Variants in ABCB1 observed in about 807,000 individuals in gnomAD.
The protein encoded by ABCB1 is ATP binding cassette subfamily B member 1, also known as ATP-dependent translocase ABCB1.
Under a neutral mutation model 142.0 loss-of-function variants are expected in ABCB1, and 69 were observed. The observed-to-expected ratio is 0.49, with a 90% CI of 0.40 to 0.59. The LOEUF is 0.59. Ranked by LOEUF, ABCB1 falls within the 20% of genes least tolerant of loss-of-function variation. The pLI is 0.00. For missense variants in ABCB1, 1,326 were observed against 1,554.7 expected (o/e 0.85, Z 2.47); for synonymous variants, 532 against 539.2 (o/e 0.99, Z 0.18).
chr7:87,705,101 A>C (rs1829469603), intron 1 of ABCB1, among the ~76,000 whole-genome samples: 1 of 152,170 alleles, frequency 6.6e-6, no homozygotes, highest in Admixed American at 6.5e-5. Flanking sequence ...GAAGCTTGTC[A>C]CCATGGACAA....
At chr7:87,670,951 C>A (rs1825767927) in intron 1 of ABCB1, among the ~76,000 whole-genome samples, 1 of 152,124 alleles carries the variant, frequency 6.6e-6, no homozygotes, top group Non-Finnish European at 1.5e-5. Context: ...GGGCTGCCCA[C>A]TGCAGCTTTG....
At chr7:87,578,716 C>T (rs1285598507) in intron 4 of ABCB1, among the ~76,000 whole-genome samples, 4 of 125,880 alleles carry the variant, frequency 3.2e-5, no homozygotes, top group African/African-American at 1.2e-4. Flanking sequence ...TTTTTTGAGA[C>T]GGAGTCTCGC....
intron 21 of ABCB1, chr7:87,521,134 C>T: frequency 2.1e-6 from 1 of 471,788 alleles, no homozygotes; most frequent in Non-Finnish European, 3.8e-6. Context: ...TTGCTTAAAG[C>T]CACACAGCTT....
At chr7:87,660,981 T>C (rs1300881124) in intron 1 of ABCB1, among the ~76,000 whole-genome samples, 1 of 152,046 alleles carries the variant, frequency 6.6e-6, no homozygotes, top group East Asian at 1.9e-4. Context: ...ATAGTTACTT[T>C]AATAAATGTC....
intron 21 of ABCB1, among the ~76,000 whole-genome samples, chr7:87,528,396 T>C (rs1815891230): frequency 6.6e-6 from 1 of 152,204 alleles, no homozygotes; most frequent in Non-Finnish European, 1.5e-5. Flanking sequence ...TATGCATTTA[T>C]AACATACTTA....
intron 21 of ABCB1, among the ~76,000 whole-genome samples, chr7:87,530,503 G>T (rs1815988242): frequency 6.6e-6 from 1 of 151,602 alleles, no homozygotes; most frequent in South Asian, 2.1e-4. Context: ...TAAGGAATAA[G>T]ACATTTGCCT....
intron 1 of ABCB1, among the ~76,000 whole-genome samples, chr7:87,629,642 A>T (rs921929696): frequency 6.6e-6 from 1 of 152,230 alleles, no homozygotes; most frequent in East Asian, 1.9e-4. Flanking sequence ...AATAATTACT[A>T]TTGGGCCGGG....
intron 1 of ABCB1, among the ~76,000 whole-genome samples, chr7:87,702,142 C>CAAAAAAAAAAAA (rs146127516): frequency 6.0e-5 from 1 of 16,776 alleles, no homozygotes; most frequent in African/African-American, 1.7e-4. Flanking sequence ...GACTCTGTCT[C>CAAAAAAAAAAAA]AAAAAAAAAA....
intron 1 of ABCB1, among the ~76,000 whole-genome samples, chr7:87,680,106 T>TA (rs752246183): frequency 2.1e-4 from 31 of 150,386 alleles, no homozygotes; most frequent in Admixed American, 5.3e-4. Context: ...AACTTCCACT[T>TA]ATGAGTGAGA....
intron 1 of ABCB1, among the ~76,000 whole-genome samples, chr7:87,617,582 T>G (rs1820071793): frequency 6.6e-6 from 1 of 152,198 alleles, no homozygotes; most frequent in African/African-American, 2.4e-5. Flanking sequence ...AGGAACTTAC[T>G]AAAGTTTTAA....
In ABCB1 at chr7:87,599,207, T is replaced by A. The variant is rs1819339700; in HGVS notation, c.68+910A>T. 2.0e-5 allele frequency among the ~76,000 whole-genome samples: 3 copies of A among 152,234 alleles called. No homozygotes were observed. The South Asian group carries it at 6.2e-4, about 31-fold the overall frequency. ...TCTAATATTATTAAACTTACTAGTCTATTTTACAATTTACTACTAACAATG... is the reference window on the plus strand; with the variant it reads ...TCTAATATTATTAAACTTACTAGTCAATTTTACAATTTACTACTAACAATG... On this transcript the variant is annotated intron_variant, in intron 2 of 27. Transcript: ENST00000622132.
Position 87,566,227 on chromosome 7 carries a change from A to C in ABCB1, c.545T>G (p.Ile182Ser). ...NTRLTDDVSKINEGIGDKIGM... is the reference protein window; with the variant it reads ...NTRLTDDVSKSNEGIGDKIGM... ...AATTTTGTCACCAATTCCTTCATTA[A>C]TCTTGGAGACATCACTGAAAGAACA... The change falls in exon 7 of 28, where the codon ATT (isoleucine) becomes AGT (serine). Residue 182 changes from isoleucine (I) to serine (S), a missense_variant. Physicochemically the swap from Ile to Ser is moderately radical, Grantham distance 142. Transcript: ENST00000622132. 6.2e-7 allele frequency: 1 copy of C among 1,614,046 alleles called. No individual in the cohort carries two copies. Among genetic ancestry groups the C allele is most frequent in the Non-Finnish European group, 8.5e-7 (1 of 1,179,882 alleles).
chr7:87,624,196 C>A lies in ABCB1; in HGVS notation c.-330-23118G>T, dbSNP rs141737456. Among the ~76,000 whole-genome samples the A allele has an allele frequency of 8.5e-3, 1,301 of 152,288 alleles. 17 individuals carry two copies. The highest frequency in any genetic ancestry group is 0.048 in the Middle Eastern group (14 of 294). On this transcript the variant is annotated intron_variant, in intron 1 of 28. Coordinates refer to the ABCB1 transcript ENST00000265724. ...CATAAGCGTGATGATTGAGCTTTCA[C>A]ACACATGTGAGACGTGCCTCACCCA...
intron 26 of ABCB1, among the ~76,000 whole-genome samples, chr7:87,506,313 T>A (rs1332705788): frequency 6.6e-6 from 1 of 152,228 alleles, no homozygotes; most frequent in East Asian, 1.9e-4. Context: ...TGTTGCAATG[T>A]TAGTATCTTC....
intron 4 of ABCB1, among the ~76,000 whole-genome samples, chr7:87,584,483 T>G (rs755683754): frequency 2.0e-5 from 3 of 152,138 alleles, no homozygotes; most frequent in African/African-American, 4.8e-5. Context: ...AATCTAGGCT[T>G]GACCAGAGGT....
chr7:87,503,986 A>G lies in ABCB1; in HGVS notation c.*257T>C. On this transcript the variant is annotated 3_prime_UTR_variant, in exon 28 of 28. Coordinates refer to ENST00000622132, the MANE Select transcript of ABCB1 (RefSeq NM_001348946.2). The stretch of plus-strand genomic sequence containing the variant: ...CAAATGGGAAAATATAAACAAAATT[A>G]CACATTTTATCTTTTAAAATCTACT... The G allele has an allele frequency of 1.9e-6, 1 of 534,700 alleles. No homozygotes were observed. 33.1% of individuals were successfully genotyped at this position (534,700 alleles called of 1,614,324 possible).
intron 1 of ABCB1, among the ~76,000 whole-genome samples, chr7:87,649,599 T>G (rs1823366576): frequency 6.6e-6 from 1 of 152,198 alleles, no homozygotes; most frequent in African/African-American, 2.4e-5. Flanking sequence ...CAGTCAAAAA[T>G]AGAGACAAAG....
At chr7:87,605,615 C>G (rs1358451721), upstream of ABCB1, among the ~76,000 whole-genome samples, 1 of 152,102 alleles carries the variant, frequency 6.6e-6, no homozygotes, top group Non-Finnish European at 1.5e-5. Context: ...AATGAAGTGG[C>G]AACTCTTGGA....
chr7:87,569,332 CAAAAAAAA>C (rs56689125), intron 5 of ABCB1, among the ~76,000 whole-genome samples: 1 of 111,966 alleles, frequency 8.9e-6, no homozygotes, highest in African/African-American at 3.5e-5. Flanking sequence ...CACTCTGTCT[CAAAAAAAA>C]AAAAAAAAAA....
Sources: allele counts gnomAD v4.1 joint callset (sites outside exome capture counted in the v4.1 genomes callset), GRCh38; gene constraint gnomAD v4.1.1; transcripts MANE v1.5; gene names NCBI Gene and HGNC (gene_info 2026-07-23, HGNC 2026-07-21).